Variants in GRIP1 observed in about 807,000 individuals in gnomAD.
GRIP1 encodes the protein glutamate receptor interacting protein 1.
GRIP1 carries 45 observed loss-of-function variants against 129.9 expected under a neutral mutation model. The observed-to-expected ratio is 0.35, with a 90% confidence interval of 0.27 to 0.44. The LOEUF (loss-of-function observed/expected upper bound fraction) is 0.44, where lower values mean the gene tolerates loss of function less well. Ranked by LOEUF, GRIP1 falls within the 20% of genes least tolerant of loss-of-function variation. GRIP1 has a pLI of 1.00. For synonymous variants in GRIP1, 530 were observed against 520.8 expected (o/e 1.02, Z -0.24); for missense variants, 1,196 against 1,396.8 (o/e 0.86, Z 2.29).
intron 1 of GRIP1, among the ~76,000 whole-genome samples, chr12:66,991,354 A>C (rs2135642022): frequency 6.6e-6 from 1 of 152,364 alleles, no homozygotes; most frequent in South Asian, 2.1e-4. Flanking sequence ...CTAAAATAGG[A>C]AAAAATCAAA....
intron 1 of GRIP1, among the ~76,000 whole-genome samples, chr12:66,991,100 G>A (rs1018583863): frequency 5.9e-5 from 9 of 151,866 alleles, no homozygotes; most frequent in Admixed American, 1.3e-4. Context: ...GTGAAATCCC[G>A]TCTCTACTAA....
At chr12:66,715,469 TGTGAGAGAGAGAGA>T (rs1246175938) in intron 1 of GRIP1, among the ~76,000 whole-genome samples, 5 of 117,440 alleles carry the variant, frequency 4.3e-5, no homozygotes, top group South Asian at 5.3e-4. Context: ...TGTGTGTGTG[TGTGAGAGAGAGAGA>T]GAGAGAGAGA....
intron 1 of GRIP1, among the ~76,000 whole-genome samples, chr12:66,862,306 C>T (rs1490792343): frequency 6.6e-6 from 1 of 151,944 alleles, no homozygotes. Flanking sequence ...AAGTGAATTG[C>T]CTTAGGTCAC....
At chr12:66,798,872 A>T (rs1335668256) in intron 1 of GRIP1, among the ~76,000 whole-genome samples, 1 of 152,114 alleles carries the variant, frequency 6.6e-6, no homozygotes, top group Non-Finnish European at 1.5e-5. Flanking sequence ...TTAAGATAAG[A>T]TGGCCTACTG....
Position 66,617,777 on chromosome 12 carries a change from T to G in GRIP1, c.56-20850A>C, listed in dbSNP as rs1165750580. Among the ~76,000 whole-genome samples, 2 of 135,724 alleles carry G rather than the reference T, an allele frequency of 1.5e-5. 1 individual carries two copies. 89.0% of individuals were successfully genotyped at this position (135,724 alleles called of 152,430 possible). A position where few individuals can be genotyped will look rare whatever the true frequency, so the allele number is the denominator to read the frequency against. Reference sequence around the variant, plus strand: ...TACTGGCTCATGAAAGAAAAGATGTTCAACTTCACTCATAAGAAATGCATA... The same window carrying G: ...TACTGGCTCATGAAAGAAAAGATGTGCAACTTCACTCATAAGAAATGCATA... On this transcript the variant is annotated intron_variant, in intron 1 of 24. Coordinates refer to ENST00000359742, the MANE Select transcript of GRIP1 (RefSeq NM_001366722.1).
chr12:66,779,236 T>A (rs893050987), intron 1 of GRIP1, among the ~76,000 whole-genome samples: 2 of 152,166 alleles, frequency 1.3e-5, no homozygotes, highest in African/African-American at 4.8e-5. Context: ...GACTTTACTA[T>A]CTGACAAACC....
At chr12:66,603,420 C>T (rs552314062) in intron 1 of GRIP1, among the ~76,000 whole-genome samples, 1 of 152,280 alleles carries the variant, frequency 6.6e-6, no homozygotes, top group East Asian at 1.9e-4. Context: ...AAATGTGGAC[C>T]ATGGATGAGC....
chr12:67,068,734 C>T (rs1320248866), intron 1 of GRIP1, among the ~76,000 whole-genome samples: 1 of 149,254 alleles, frequency 6.7e-6, no homozygotes, highest in Non-Finnish European at 1.5e-5. Context: ...CGGAGCTCCA[C>T]GTGCGAGCGG....
chr12:66,628,481 T>C (rs1016649163), intron 1 of GRIP1, among the ~76,000 whole-genome samples: 4 of 152,218 alleles, frequency 2.6e-5, no homozygotes, highest in African/African-American at 7.2e-5. Flanking sequence ...CCTCCTCCTC[T>C]CCTGCTTCCT....
chr12:66,496,819 AG>A (rs2060250476), intron 7 of GRIP1, among the ~76,000 whole-genome samples: 1 of 152,056 alleles, frequency 6.6e-6, no homozygotes, highest in Non-Finnish European at 1.5e-5. Context: ...AGGGAAGAAA[AG>A]GGAAAGAAGG....
chr12:66,716,271 AG>A (rs906941826), intron 1 of GRIP1, among the ~76,000 whole-genome samples: 1 of 152,058 alleles, frequency 6.6e-6, no homozygotes, highest in Non-Finnish European at 1.5e-5. Context: ...TTGAGCAAGT[AG>A]AATTTTTAAT....
chr12:67,050,730 C>G (rs193092150), intron 1 of GRIP1, among the ~76,000 whole-genome samples: 1 of 152,104 alleles, frequency 6.6e-6, no homozygotes, highest in Non-Finnish European at 1.5e-5. Context: ...CTACATTACC[C>G]TACAAGATGC....
intron 1 of GRIP1, among the ~76,000 whole-genome samples, chr12:67,012,215 T>C (rs2042719176): frequency 6.6e-6 from 1 of 152,200 alleles, no homozygotes; most frequent in Non-Finnish European, 1.5e-5. Flanking sequence ...TAAGGAAAGC[T>C]TCCAAAAGTT....
chr12:66,762,354 G>T lies in GRIP1; in HGVS notation c.-420+41699C>A, dbSNP rs76868735. Among the ~76,000 whole-genome samples, 1,305 of 152,286 alleles carry T rather than the reference G, an allele frequency of 8.6e-3. 15 individuals carry two copies. Among genetic ancestry groups the T allele is most frequent in the African/African-American group, 0.03 (1,256 of 41,564 alleles). On this transcript the variant is annotated intron_variant, in intron 1 of 4. Transcript: ENST00000538373. ...TTTCATTTGCCCCTGGTCAGAGGAG[G>T]CTGGGAGGACCCCAATCCCTGATCA...
At chr12:66,602,200 G>T (rs1377118081) in intron 1 of GRIP1, among the ~76,000 whole-genome samples, 1 of 152,142 alleles carries the variant, frequency 6.6e-6, no homozygotes, top group Non-Finnish European at 1.5e-5. Flanking sequence ...CAGTCAGCAT[G>T]AACATATCAT....
At chr12:66,889,949 T>A (rs1228631096) in intron 1 of GRIP1, among the ~76,000 whole-genome samples, 1 of 152,002 alleles carries the variant, frequency 6.6e-6, no homozygotes, top group African/African-American at 2.4e-5. Context: ...TTTTTTTATC[T>A]TACAGGGTCT....
At chr12:66,456,410 A>C in intron 9 of GRIP1, 68 bp from the exon 10 acceptor site, 1 of 818,734 alleles carries the variant, frequency 1.2e-6, no homozygotes, top group South Asian at 1.5e-5. Context: ...AAAAAAGAGG[A>C]AAAATAACTG....
intron 24 of GRIP1, among the ~76,000 whole-genome samples, chr12:66,349,539 C>T (rs1321488353): frequency 6.6e-6 from 1 of 152,168 alleles, no homozygotes; most frequent in Non-Finnish European, 1.5e-5. Flanking sequence ...AATATTATCC[C>T]TAATTTACAG....
chr12:66,767,164 A>C (rs1566011733), intron 1 of GRIP1, among the ~76,000 whole-genome samples: 3 of 152,220 alleles, frequency 2.0e-5, no homozygotes, highest in Admixed American at 1.3e-4. Flanking sequence ...TAGCTTTTGA[A>C]TGTAAATGCT....
Sources: gnomAD v4.1 joint callset for allele counts (sites outside exome capture counted in the v4.1 genomes callset) on GRCh38, gnomAD v4.1.1 for gene constraint, MANE v1.5 for transcripts, NCBI Gene and HGNC (gene_info 2026-07-23, HGNC 2026-07-21) for gene names.